Variants in YJU2 observed in about 807,000 individuals in gnomAD.
YJU2 encodes the protein YJU2 splicing factor homolog.
Under a neutral mutation model 39.6 loss-of-function variants are expected in YJU2, and 28 were observed. The observed-to-expected ratio is 0.71, with a 90% CI of 0.52 to 0.97. The LOEUF is 0.97. Among genes scored for constraint, YJU2 ranks in the 50% least tolerant of loss-of-function variants. YJU2 has a pLI of 0.00. For missense variants in YJU2, 328 were observed against 430.4 expected (o/e 0.76, Z 2.11); for synonymous variants, 184 against 182.4 (o/e 1.01, Z -0.07).
rs1016217505 is a variant in YJU2 at position 4,247,249 on chromosome 19, TCTC to T, written c.24+80_24+82del. 17 of 1,322,668 alleles carry T rather than the reference TCTC, an allele frequency of 1.3e-5. No homozygotes were observed. The African/African-American group carries it at 2.1e-4, about 16-fold the overall frequency. 81.9% of individuals were successfully genotyped at this position (1,322,668 alleles called of 1,614,324 possible). A position where few individuals can be genotyped will look rare whatever the true frequency, so the allele number is the denominator to read the frequency against. ...CGGGAGAGGGAGGAGCTTCCTGAGA[TCTC>T]TTCTTTGGAACCCTTCTTTCCCAGC... On this transcript the variant is annotated intron_variant, in intron 1 of 7. Coordinates refer to ENST00000262962, the MANE Select transcript of YJU2 (RefSeq NM_018074.6).
intron 6 of YJU2, among the ~76,000 whole-genome samples, chr19:4,263,809 C>CAAAAAA (rs34863832): frequency 2.0e-5 from 2 of 98,386 alleles, no homozygotes; most frequent in Non-Finnish European, 2.2e-5. Context: ...GACTCTATCT[C>CAAAAAA]AAAAAAAAAA....
At chr19:4,250,257 T>C (rs1430622093) in intron 2 of YJU2, among the ~76,000 whole-genome samples, 2 of 152,188 alleles carry the variant, frequency 1.3e-5, no homozygotes. Flanking sequence ...CCATGTGTTG[T>C]TGGCCTGTCT....
At chr19:4,250,900 C>A in intron 2 of YJU2, 127 bp from the exon 3 acceptor site, 1 of 1,032,082 alleles carries the variant, frequency 9.7e-7, no homozygotes, top group Non-Finnish European at 1.4e-6. Context: ...CAGCCTGCCT[C>A]TTGAAGGAGG....
chr19:4,250,417 G>A (rs1970966225), intron 2 of YJU2, among the ~76,000 whole-genome samples: 1 of 152,160 alleles, frequency 6.6e-6, no homozygotes, highest in Non-Finnish European at 1.5e-5. Flanking sequence ...GTGGTAGTCA[G>A]GCAGGTGCAC....
intron 6 of YJU2, among the ~76,000 whole-genome samples, chr19:4,263,664 G>T (rs1404997104): frequency 2.0e-5 from 3 of 151,986 alleles, no homozygotes; most frequent in Admixed American, 6.6e-5. Flanking sequence ...ACAAAAATTA[G>T]CTGGACATGG....
Position 4,267,765 on chromosome 19 carries a change from C to T in YJU2, c.850C>T (p.Pro284Ser), listed in dbSNP as rs143369003. The change falls in exon 7 of 8, where the codon CCC becomes TCC. Residue 284 changes from proline to serine, a missense_variant. Physicochemically the swap from Pro to Ser is moderately conservative, Grantham distance 74. Transcript: ENST00000262962. The part of the protein sequence containing the change: ...DCSNGQPQAA[P>S]TPGAPQNRKE... ...CAGCAACGGGCAGCCTCAGGCGGCC[C>T]CCACCCCAGGTAAGGTCACAGAGTT... The T allele has an allele frequency of 1.6e-5, 26 of 1,611,908 alleles. No homozygotes were observed. In the East Asian group the frequency reaches 3.6e-4, roughly 22 times the overall value.
At chr19:4,258,092 C>A in intron 4 of YJU2, 150 bp from the exon 5 acceptor site, 1 of 1,157,064 alleles carries the variant, frequency 8.6e-7, no homozygotes, top group Non-Finnish European at 1.2e-6. Flanking sequence ...ATGGACACAG[C>A]GCTGGGCATG....
chr19:4,266,657 GTGGTTACCACTTCCT>G (rs1555726032), intron 6 of YJU2, among the ~76,000 whole-genome samples: 1 of 152,144 alleles, frequency 6.6e-6, no homozygotes, highest in Non-Finnish European at 1.5e-5. Context: ...CCTTAACCCA[GTGGTTACCACTTCCT>G]CTATTTAAAC....
intron 7 of YJU2, among the ~76,000 whole-genome samples, 183 bp downstream of exon 7, chr19:4,267,957 CTT>C (rs1174345223): frequency 5.6e-5 from 8 of 142,988 alleles, no homozygotes; most frequent in Non-Finnish European, 7.8e-5. Context: ...TTTCTTTTTT[CTT>C]TTTTTTTTTT....
Position 4,256,829 on chromosome 19 carries a change from G to A in YJU2, c.406-1413G>A, listed in dbSNP as rs958139694. ...TGAGCAACCTCACAACATGGCAGCT[G>A]CGTACCCCAGAGCATGTGACCCAAG... On this transcript the variant is annotated intron_variant, in intron 4 of 7. Transcript: ENST00000262962. Among the ~76,000 whole-genome samples, 12 of 152,156 alleles carry A rather than the reference G, an allele frequency of 7.9e-5. 1 individual carries two copies. The highest frequency in any genetic ancestry group is 4.6e-4 in the Admixed American group (7 of 15,242).
At position 4,268,723 on chromosome 19, in the gene YJU2, C is replaced by G. The variant is rs1425565088; in HGVS notation, c.*27C>G. 13 of 1,506,218 alleles carry G rather than the reference C, an allele frequency of 8.6e-6. No homozygotes were observed. Among genetic ancestry groups the G allele is most frequent in the Non-Finnish European group, 1.2e-5 (13 of 1,088,324 alleles). 93.3% of individuals were successfully genotyped at this position (1,506,218 alleles called of 1,614,324 possible). A position where few individuals can be genotyped will look rare whatever the true frequency, so the allele number is the denominator to read the frequency against. ...CCCTCCCAGGACCCCCTCACGGGGT[C>G]AAAGTCACACGTCCAGCTTCAGCCA... On this transcript the variant is annotated 3_prime_UTR_variant, in exon 8 of 8. Coordinates refer to ENST00000262962, the MANE Select transcript of YJU2 (RefSeq NM_018074.6).
In YJU2 at chr19:4,247,080, G is replaced by T. The variant is rs1197852007; in HGVS notation, c.-67G>T. The T allele has an allele frequency of 1.3e-6, 2 of 1,494,714 alleles. No homozygotes were observed. The highest frequency in any genetic ancestry group is 2.8e-5 in the African/African-American group (2 of 72,468). 92.6% of individuals were successfully genotyped at this position (1,494,714 alleles called of 1,614,324 possible). On this transcript the variant is annotated 5_prime_UTR_variant, in exon 1 of 8. Transcript: ENST00000262962. Reference sequence around the variant, plus strand: ...CGTTTGCGGAAGTAAGGCTTCCGTCGGAAAAGCTCGATAATTACCCAGCCT... The same window carrying T: ...CGTTTGCGGAAGTAAGGCTTCCGTCTGAAAAGCTCGATAATTACCCAGCCT...
At chr19:4,256,181 A>AAAAATATAT (rs1001505791) in intron 4 of YJU2, among the ~76,000 whole-genome samples, 1 of 125,890 alleles carries the variant, frequency 7.9e-6, no homozygotes, top group African/African-American at 3.1e-5. Flanking sequence ...AAAAAAAAAA[A>AAAAATATAT]ATATATATAT....
intron 3 of YJU2, among the ~76,000 whole-genome samples, chr19:4,252,437 A>AG (rs1970985021): frequency 6.6e-6 from 1 of 151,426 alleles, no homozygotes; most frequent in Admixed American, 6.6e-5. Flanking sequence ...TCTCTACTAA[A>AG]AAAAAAGCAG....
At chr19:4,250,188 C>T (rs1599495740) in intron 2 of YJU2, among the ~76,000 whole-genome samples, 1 of 152,188 alleles carries the variant, frequency 6.6e-6, no homozygotes, top group Non-Finnish European at 1.5e-5. Context: ...TCTAGCATAT[C>T]TGAAATCACG....
intron 6 of YJU2, among the ~76,000 whole-genome samples, chr19:4,264,261 C>CAAAAAAA (rs748910280): frequency 4.1e-4 from 18 of 43,944 alleles, no homozygotes; most frequent in East Asian, 1.1e-3. Flanking sequence ...GACTCTGTCT[C>CAAAAAAA]AAAAAAAAAA....
At chr19:4,259,058 G>A (rs1205761693) in intron 5 of YJU2, among the ~76,000 whole-genome samples, 2 of 150,800 alleles carry the variant, frequency 1.3e-5, no homozygotes, top group Non-Finnish European at 1.5e-5. Context: ...AGGCCTCCTG[G>A]GTGAACACTT....
intron 7 of YJU2, among the ~76,000 whole-genome samples, 168 bp downstream of exon 7, chr19:4,267,942 T>A (rs1430516191): frequency 1.3e-5 from 2 of 148,846 alleles, no homozygotes; most frequent in Admixed American, 6.6e-5. Flanking sequence ...CTTCTTTTTT[T>A]CTTTTTTCTT....
intron 1 of YJU2, 96 bp from the exon 2 acceptor site, chr19:4,249,132 G>C (rs1157314592): frequency 2.5e-6 from 2 of 796,674 alleles, no homozygotes; most frequent in African/African-American, 1.7e-5. Context: ...TGGGCTTGGG[G>C]ACCCCCGACA....
Sources: allele counts gnomAD v4.1 joint callset (sites outside exome capture counted in the v4.1 genomes callset), GRCh38; gene constraint gnomAD v4.1.1; transcripts MANE v1.5; gene names NCBI Gene and HGNC (gene_info 2026-07-23, HGNC 2026-07-21).